PTPRT: variants seen among roughly 807,000 people sequenced by gnomAD.
The protein encoded by PTPRT is protein tyrosine phosphatase receptor type T, also known as receptor-type tyrosine-protein phosphatase T.
In PTPRT, 56 loss-of-function variants were observed where a neutral mutation model predicts 176.8. That is an observed-to-expected ratio of 0.32 (90% confidence interval 0.26 to 0.40). PTPRT has a LOEUF of 0.40. PTPRT is among the 10% of genes least tolerant of loss of function. The probability of loss-of-function intolerance (pLI) is 1.00; values close to 1 mark genes in which losing one functional copy is unlikely to be tolerated. For synonymous variants in PTPRT, 783 were observed against 739.0 expected, an observed-to-expected ratio of 1.06 and a Z score of -0.96; for missense variants, 1,540 against 1,908.2, an observed-to-expected ratio of 0.81 and a Z score of 3.60.
chr20:42,098,078 G>A (rs2146208683), intron 27 of PTPRT, among the ~76,000 whole-genome samples: 1 of 152,336 alleles, frequency 6.6e-6, no homozygotes, highest in East Asian at 1.9e-4. Context: ...CAGGGCTGCA[G>A]GTGCTCAGTG....
intron 1 of PTPRT, among the ~76,000 whole-genome samples, chr20:43,111,394 A>C (rs985538705): frequency 6.6e-6 from 1 of 151,920 alleles, no homozygotes; most frequent in Non-Finnish European, 1.5e-5. Flanking sequence ...AAATACAAAA[A>C]TTAGCCGGGC....
At position 42,084,790 on chromosome 20, in the gene PTPRT, T is replaced by G. The variant is rs1983710620; in HGVS notation, c.4028A>C (p.Tyr1343Ser). Residue 1343 changes from tyrosine to serine, a missense_variant, in exon 29 of 31, where the codon TAC (tyrosine) becomes TCC (serine). By Grantham distance (144) the Tyr-to-Ser change is moderately radical. This residue lies in a region of PTPRT where 342 missense variants were observed against 394.0 expected (regional missense o/e 0.87). Coordinates refer to ENST00000373187, the MANE Select transcript of PTPRT (RefSeq NM_007050.6). ...QHLQYIGWPA[Y>S]RDTPPSKRSL... Reference sequence around the variant, plus strand: ...GCGCTTGGAGGGGGGCGTGTCCCGGTAGGCAGGCCAGCCAATGTACTGGAG... The same window carrying G: ...GCGCTTGGAGGGGGGCGTGTCCCGGGAGGCAGGCCAGCCAATGTACTGGAG... 6.5e-7 allele frequency: 1 copy of G among 1,550,226 alleles called. No individual in the cohort carries two copies. Among genetic ancestry groups the G allele is most frequent in the East Asian group, 2.3e-5 (1 of 42,628 alleles).
chr20:43,066,634 A>G (rs1448234883), intron 1 of PTPRT, among the ~76,000 whole-genome samples: 1 of 152,112 alleles, frequency 6.6e-6, no homozygotes, highest in Non-Finnish European at 1.5e-5. Flanking sequence ...TGTTCTCCAC[A>G]CCTACCTCAC....
At chr20:42,781,253 C>T (rs1164565499) in intron 3 of PTPRT, among the ~76,000 whole-genome samples, 1 of 152,154 alleles carries the variant, frequency 6.6e-6, no homozygotes, top group Non-Finnish European at 1.5e-5. Flanking sequence ...TTCCTTTGCA[C>T]CTTTATTTCA....
intron 2 of PTPRT, among the ~76,000 whole-genome samples, chr20:42,823,574 CA>C (rs1328002479): frequency 6.6e-6 from 1 of 151,868 alleles, no homozygotes; most frequent in Non-Finnish European, 1.5e-5. Flanking sequence ...ACATCCTCCT[CA>C]AAAAAAGTCA....
At chr20:42,378,440 C>T (rs372984247) in intron 9 of PTPRT, among the ~76,000 whole-genome samples, 7 of 152,274 alleles carry the variant, frequency 4.6e-5, no homozygotes, top group African/African-American at 9.6e-5. Flanking sequence ...CCCTATTTTA[C>T]TCTTCCTTTG....
chr20:42,870,902 G>C (rs1439105224), intron 2 of PTPRT, among the ~76,000 whole-genome samples: 2 of 150,414 alleles, frequency 1.3e-5, no homozygotes, highest in Non-Finnish European at 3.0e-5. Flanking sequence ...TCTCATTGTG[G>C]TTTTGATTTG....
chr20:42,367,299 G>C (rs894870771), intron 9 of PTPRT, among the ~76,000 whole-genome samples: 4 of 152,204 alleles, frequency 2.6e-5, no homozygotes, highest in African/African-American at 9.6e-5. Flanking sequence ...GCACTTGGGA[G>C]ACTGTCGAGT....
At chr20:42,438,932 C>G (rs10485694) in intron 9 of PTPRT, among the ~76,000 whole-genome samples, 1 of 152,228 alleles carries the variant, frequency 6.6e-6, no homozygotes, top group African/African-American at 2.4e-5. Context: ...AGTGGATGAC[C>G]AGCAGCTCTA....
At chr20:43,092,020 C>A (rs762854488) in intron 1 of PTPRT, among the ~76,000 whole-genome samples, 1 of 152,196 alleles carries the variant, frequency 6.6e-6, no homozygotes, top group Admixed American at 6.5e-5. Flanking sequence ...GGATGGGGTA[C>A]GGTTCTCACT....
At chr20:42,380,183 T>G (rs971193036) in intron 9 of PTPRT, among the ~76,000 whole-genome samples, 3 of 152,220 alleles carry the variant, frequency 2.0e-5, no homozygotes, top group Non-Finnish European at 4.4e-5. Flanking sequence ...AGTGTTGCCC[T>G]CTGCTGCATC....
chr20:42,631,722 ACT>A (rs1166578518), intron 7 of PTPRT, among the ~76,000 whole-genome samples: 3 of 152,096 alleles, frequency 2.0e-5, no homozygotes, highest in African/African-American at 7.2e-5. Context: ...GGGCAAGGCA[ACT>A]CTCTAAAGCT....
At chr20:42,986,638 C>T (rs975813759) in intron 1 of PTPRT, among the ~76,000 whole-genome samples, 8 of 152,108 alleles carry the variant, frequency 5.3e-5, no homozygotes, top group African/African-American at 1.4e-4. Context: ...ACAAAGAAAG[C>T]GACAGTAGAT....
chr20:42,618,725 G>T (rs2074129126), intron 7 of PTPRT, among the ~76,000 whole-genome samples: 2 of 133,258 alleles, frequency 1.5e-5, no homozygotes, highest in African/African-American at 6.4e-5. Context: ...GATCTTTGTT[G>T]GTTTAAAGTC....
chr20:42,647,756 G>C (rs1301958385), intron 7 of PTPRT, among the ~76,000 whole-genome samples: 3 of 152,186 alleles, frequency 2.0e-5, no homozygotes, highest in Non-Finnish European at 4.4e-5. Context: ...CAGCGTCTGT[G>C]ATACCGGCTG....
chr20:43,042,808 G>A lies in PTPRT; in HGVS notation c.88+146838C>T, dbSNP rs865897433. Among the ~76,000 whole-genome samples, 25 of 149,008 alleles carry A rather than the reference G, an allele frequency of 1.7e-4. 1 individual carries two copies. The Middle Eastern group carries it at 0.014, about 82-fold the overall frequency. On this transcript the variant is annotated intron_variant, in intron 1 of 30. Transcript: ENST00000373187. Reference sequence around the variant, plus strand: ...TTCCAATATTTCCTCTATCCCAAGCGCTAATGGTTTATGCCACTCTCTCCT... The same window carrying A: ...TTCCAATATTTCCTCTATCCCAAGCACTAATGGTTTATGCCACTCTCTCCT...
chr20:42,378,826 T>C (rs956303585), intron 9 of PTPRT, among the ~76,000 whole-genome samples: 1 of 152,226 alleles, frequency 6.6e-6, no homozygotes, highest in East Asian at 1.9e-4. Context: ...CACAGGATTT[T>C]GAAATGATTA....
chr20:43,049,674 A>G (rs1986972971), intron 1 of PTPRT, among the ~76,000 whole-genome samples: 2 of 152,170 alleles, frequency 1.3e-5, no homozygotes, highest in African/African-American at 4.8e-5. Context: ...TGAGGCTTTC[A>G]GTTCTCCTGC....
At chr20:42,872,584 C>A (rs748953764) in intron 2 of PTPRT, among the ~76,000 whole-genome samples, 2 of 152,174 alleles carry the variant, frequency 1.3e-5, no homozygotes. Flanking sequence ...CCACAGGAGT[C>A]TTCACCAATG....
Sources: allele counts gnomAD v4.1 joint callset (sites outside exome capture counted in the v4.1 genomes callset), GRCh38; gene constraint gnomAD v4.1.1; regional missense constraint gnomAD v4.1.1; transcripts MANE v1.5; gene names NCBI Gene and HGNC (gene_info 2026-07-23, HGNC 2026-07-21).